Variants in PCDHGA5 observed in about 807,000 individuals in gnomAD.
PCDHGA5 encodes the protein protocadherin gamma subfamily A, 5.
In PCDHGA5, 36 loss-of-function variants were observed where a neutral mutation model predicts 56.7. The observed-to-expected ratio is 0.64, with a 90% confidence interval of 0.49 to 0.84. The LOEUF (loss-of-function observed/expected upper bound fraction) is 0.84. PCDHGA5 is among the 40% of genes least tolerant of loss of function. The pLI, the probability that PCDHGA5 is intolerant of heterozygous loss-of-function variation, is 0.00. For synonymous variants in PCDHGA5, 563 were observed against 520.2 expected (o/e 1.08, Z -1.12); for missense variants, 1,305 against 1,201.5 (o/e 1.09, Z -1.27).
intron 1 of PCDHGA5, among the ~76,000 whole-genome samples, chr5:141,437,426 C>T (rs531265278): frequency 6.6e-6 from 1 of 152,268 alleles, no homozygotes; most frequent in South Asian, 2.1e-4. Flanking sequence ...CTTTTTGAAG[C>T]AGCAATAGCA....
At chr5:141,375,014 G>C in intron 1 of PCDHGA5, 1 of 1,614,004 alleles carries the variant, frequency 6.2e-7, no homozygotes, top group Non-Finnish European at 8.5e-7. Flanking sequence ...AGACTATGAG[G>C]ACTCGAGTTT....
rs2096665320 is a variant in PCDHGA5 at position 141,422,696 on chromosome 5, A to G, written c.2421+55945A>G. The G allele has an allele frequency of 3.1e-6, 5 of 1,602,638 alleles. No homozygotes were observed. The highest frequency in any genetic ancestry group is 4.3e-6 in the Non-Finnish European group (5 of 1,174,110). On this transcript the variant is annotated intron_variant, in intron 1 of 3. Coordinates refer to ENST00000518069, the MANE Select transcript of PCDHGA5 (RefSeq NM_018918.3). Reference sequence around the variant, plus strand: ...AGCAAACAGAATGCCCTGGTCACTTACTCTCTGACGGATGACACTGTCCAG... The same window carrying G: ...AGCAAACAGAATGCCCTGGTCACTTGCTCTCTGACGGATGACACTGTCCAG...
intron 1 of PCDHGA5, among the ~76,000 whole-genome samples, chr5:141,420,762 T>A (rs1221355822): frequency 6.6e-6 from 1 of 152,222 alleles, no homozygotes; most frequent in Non-Finnish European, 1.5e-5. Context: ...AACCTACAAG[T>A]TTTCAGCTCC....
At chr5:141,405,397 T>A (rs1383127737) in intron 1 of PCDHGA5, 3 of 1,591,464 alleles carry the variant, frequency 1.9e-6, no homozygotes, top group Admixed American at 1.8e-5. Context: ...TTTTTTTCTT[T>A]CTTTCTTTTC....
At chr5:141,405,370 G>C in intron 1 of PCDHGA5, 1 of 1,606,236 alleles carries the variant, frequency 6.2e-7, no homozygotes, top group Non-Finnish European at 8.5e-7. Flanking sequence ...ACACCCCTTT[G>C]GTTCCGGTGA....
At chr5:141,422,296 A>T (rs200545713) in intron 1 of PCDHGA5, 6 of 1,550,706 alleles carry the variant, frequency 3.9e-6, no homozygotes, top group Non-Finnish European at 4.3e-6. Context: ...TATTAATTCA[A>T]TTCTGGAAAA....
chr5:141,497,812 T>C (rs947015544), intron 2 of PCDHGA5, among the ~76,000 whole-genome samples: 2 of 152,202 alleles, frequency 1.3e-5, no homozygotes, highest in African/African-American at 4.8e-5. Flanking sequence ...AGTGCTAGAA[T>C]TACAGGTGTG....
At chr5:141,372,707 G>A (rs1451654894) in intron 1 of PCDHGA5, 2 of 1,613,964 alleles carry the variant, frequency 1.2e-6, no homozygotes, top group Non-Finnish European at 1.7e-6. Flanking sequence ...TCAATATAAA[G>A]GCTGAAAATG....
chr5:141,450,893 C>T (rs1306212499), intron 1 of PCDHGA5, among the ~76,000 whole-genome samples: 3 of 149,144 alleles, frequency 2.0e-5, no homozygotes, highest in East Asian at 2.0e-4. Flanking sequence ...GGTGCGATAT[C>T]GGCTCACTGC....
At position 141,422,119 on chromosome 5, in the gene PCDHGA5, C is replaced by T. The variant is rs778866054; in HGVS notation, c.2421+55368C>T. 26 of 1,603,658 alleles carry T rather than the reference C, an allele frequency of 1.6e-5. No homozygotes were observed. In the Admixed American group the frequency reaches 4.2e-4, roughly 26 times the overall value. ...TTCTGAAATATTCCAATTGGATTCA[C>T]AAACTGGAGAAGTTCAAGTACGGGG... On this transcript the variant is annotated intron_variant, in intron 1 of 3. Transcript: ENST00000518069.
At position 141,487,760 on chromosome 5, in the gene PCDHGA5, G is replaced by T; in HGVS notation, c.2422-7047G>T. On this transcript the variant is annotated intron_variant, in intron 1 of 3. Transcript: ENST00000518069. The surrounding 1 kb of genome is among the most constrained non-coding windows in gnomAD (Gnocchi z 5.0). Reference sequence around the variant, plus strand: ...TGTAAGAGGTAACTATGTGGTAGACGCTGTGCTTTGTAACTGTTTCGTGAA... The same window carrying T: ...TGTAAGAGGTAACTATGTGGTAGACTCTGTGCTTTGTAACTGTTTCGTGAA... 1 of 1,545,950 alleles carries T rather than the reference G, an allele frequency of 6.5e-7. No individual in the cohort carries two copies. The highest frequency in any genetic ancestry group is 1.4e-5 in the African/African-American group (1 of 73,162).
intron 1 of PCDHGA5, chr5:141,405,552 G>A (rs2094685427): frequency 1.6e-6 from 1 of 623,718 alleles, no homozygotes. Context: ...CCCAAGTAGA[G>A]TAGCTGGGAC....
intron 1 of PCDHGA5, chr5:141,398,187 C>G (rs1329117309): frequency 5.8e-5 from 86 of 1,481,250 alleles, no homozygotes; most frequent in Non-Finnish European, 7.6e-5. Context: ...TCTTTCTCTT[C>G]CTGCTGTCTT....
Position 141,366,378 on chromosome 5 carries a change from A to T in PCDHGA5, c.2048A>T (p.Asp683Val). ...CTAGGCAGTATCAAGACCCCCATTG[A>T]CCCTGAGGATCTGGACCTCACACTC... is the stretch of plus-strand genomic sequence containing the variant. ...ADLGSIKTPIDPEDLDLTLYL... is the reference protein window; with the variant it reads ...ADLGSIKTPIVPEDLDLTLYL... Residue 683 changes from aspartate (D) to valine (V), a missense_variant, in exon 1 of 4, where the codon GAC becomes GTC. Physicochemically the swap from Asp to Val is radical, Grantham distance 152 (BLOSUM62 -3). Transcript: ENST00000518069. 6.2e-7 allele frequency: 1 copy of T among 1,613,986 alleles called. No homozygotes were observed. Among genetic ancestry groups the T allele is most frequent in the Middle Eastern group, 1.6e-4 (1 of 6,062 alleles).
intron 1 of PCDHGA5, chr5:141,421,043 C>T (rs1201118615): frequency 5.5e-6 from 3 of 548,238 alleles, no homozygotes; most frequent in African/African-American, 3.9e-5. Flanking sequence ...CCTCCCTCCC[C>T]CGCCTCTACC....
At position 141,487,653 on chromosome 5, in the gene PCDHGA5, A is replaced by C. The variant is rs1033173132; in HGVS notation, c.2422-7154A>C. The C allele has an allele frequency of 3.1e-6, 5 of 1,613,794 alleles. No individual in the cohort carries two copies. Among genetic ancestry groups the C allele is most frequent in the Non-Finnish European group, 4.2e-6 (5 of 1,179,926 alleles). ...CAGGCTCAACAAATGCTTGAGGGTT[A>C]TTCTGATCCAGGCATATGGCTAGGC... On this transcript the variant is annotated intron_variant, in intron 1 of 3. Transcript: ENST00000518069. This position sits in a 1 kb window ranked among gnomAD's most constrained non-coding sequence, Gnocchi z 5.0.
intron 1 of PCDHGA5, among the ~76,000 whole-genome samples, chr5:141,435,652 G>C (rs978809372): frequency 6.6e-6 from 1 of 152,108 alleles, no homozygotes; most frequent in Non-Finnish European, 1.5e-5. Context: ...TTTCTGAAAC[G>C]TGCACAGATT....
rs1290164632 is a variant in PCDHGA5, at chr5:141,364,798, C to T, written c.468C>T (p.Phe156=). Residue 156 remains phenylalanine (F), a synonymous_variant, in exon 1 of 4, where the codon TTC becomes TTT. Transcript: ENST00000518069. The stretch of plus-strand genomic sequence containing the variant: ...CAGGGACACGGTTAGTGCTTCCCTT[C>T]GCGCGGGATGCGGATGTGGGTGTGA... ...AAAGTRLVLP[F]ARDADVGVNS... 4 of 1,613,890 alleles carry T rather than the reference C, an allele frequency of 2.5e-6. No homozygotes were observed. Among genetic ancestry groups the T allele is most frequent in the Non-Finnish European group, 3.4e-6 (4 of 1,179,904 alleles).
At chr5:141,394,754 G>T (rs753264235) in intron 1 of PCDHGA5, 2 of 1,613,428 alleles carry the variant, frequency 1.2e-6, no homozygotes, top group Non-Finnish European at 1.7e-6. Context: ...TGGCCGTCCA[G>T]GACCATGGCC....
Sources: gnomAD v4.1 joint callset for allele counts (sites outside exome capture counted in the v4.1 genomes callset) on GRCh38, gnomAD v4.1.1 for gene constraint, Gnocchi (gnomAD v3.1) non-coding constraint, MANE v1.5 for transcripts, NCBI Gene and HGNC (gene_info 2026-07-23, HGNC 2026-07-21) for gene names.